KIAA1614: variants seen among roughly 807,000 people sequenced by gnomAD.
KIAA1614 encodes uncharacterized protein KIAA1614.
In KIAA1614, 76 loss-of-function variants were observed where a neutral mutation model predicts 88.7. The ratio of observed to expected loss-of-function variants is 0.86; its 90% CI spans 0.71 to 1.04. The LOEUF (loss-of-function observed/expected upper bound fraction) is 1.04. Among genes scored for constraint, KIAA1614 ranks in the 50% least tolerant of loss-of-function variants. KIAA1614 has a pLI of 0.00. For synonymous variants in KIAA1614, 714 were observed against 675.5 expected (o/e 1.06, Z -0.88); for missense variants, 1,553 against 1,582.5 (o/e 0.98, Z 0.32).
In KIAA1614 at chr1:180,948,986, G is replaced by A. The variant is rs184867690; in HGVS notation, c.*3398G>A. The A allele has an allele frequency of 6.6e-6, 1 of 152,408 alleles. No homozygotes were observed. 9.4% of individuals were successfully genotyped at this position (152,408 alleles called of 1,614,324 possible). A position where few individuals can be genotyped will look rare whatever the true frequency, so the allele number is the denominator to read the frequency against. On this transcript the variant is annotated 3_prime_UTR_variant, in exon 9 of 9. Coordinates refer to ENST00000367588, the MANE Select transcript of KIAA1614 (RefSeq NM_020950.2). ...CGCCTGACTTCTGTCAGGGCCACAGGCTGGGCTGCCCAAAGCTCCTACGGG... is the reference window on the plus strand; with the variant it reads ...CGCCTGACTTCTGTCAGGGCCACAGACTGGGCTGCCCAAAGCTCCTACGGG...
chr1:180,924,126 G>A (rs11582550), intron 3 of KIAA1614, among the ~76,000 whole-genome samples: 40,976 of 152,116 alleles, frequency 0.27, 5,864 homozygotes, highest in South Asian at 0.44. Context: ...TCATTGCCAT[G>A]CCCATATACA....
At chr1:180,928,246 C>A in intron 3 of KIAA1614, 184 bp from the exon 4 acceptor site, 2 of 672,214 alleles carry the variant, frequency 3.0e-6, no homozygotes, top group Non-Finnish European at 4.7e-6. Flanking sequence ...CATTTCCCAG[C>A]CCCAGGCCCC....
chr1:180,917,348 G>C (rs571448599), intron 2 of KIAA1614, among the ~76,000 whole-genome samples: 1 of 152,182 alleles, frequency 6.6e-6, no homozygotes, highest in Non-Finnish European at 1.5e-5. Flanking sequence ...GCCACCCTGC[G>C]TGCTTGGGGT....
At position 180,922,703 on chromosome 1, in the gene KIAA1614, C is replaced by T. The variant is rs951573693; in HGVS notation, c.1061+4789C>T. 1.6e-4 allele frequency among the ~76,000 whole-genome samples: 25 copies of T among 152,232 alleles called. 1 individual carries two copies. Among genetic ancestry groups the T allele is most frequent in the African/African-American group, 5.1e-4 (21 of 41,454 alleles). On this transcript the variant is annotated intron_variant, in intron 3 of 8. Coordinates refer to ENST00000367588, the MANE Select transcript of KIAA1614 (RefSeq NM_020950.2). ...TCCTACTTTCACACACTCAACACAGCACAGAGCACTTCACCTCAAGCCACC... is the reference window on the plus strand; with the variant it reads ...TCCTACTTTCACACACTCAACACAGTACAGAGCACTTCACCTCAAGCCACC...
At chr1:180,918,668 T>A (rs1366403308) in intron 3 of KIAA1614, among the ~76,000 whole-genome samples, 2 of 152,098 alleles carry the variant, frequency 1.3e-5, no homozygotes, top group Non-Finnish European at 2.9e-5. Flanking sequence ...AGCTGTCTGG[T>A]GTTGTCAGCC....
intron 3 of KIAA1614, among the ~76,000 whole-genome samples, chr1:180,926,001 G>A (rs527458131): frequency 6.6e-6 from 1 of 152,324 alleles, no homozygotes; most frequent in South Asian, 2.1e-4. Flanking sequence ...TGGGGAAACT[G>A]AGGCCCAGGG....
intron 4 of KIAA1614, among the ~76,000 whole-genome samples, chr1:180,933,928 T>C (rs946816057): frequency 7.7e-5 from 11 of 143,298 alleles, no homozygotes; most frequent in Non-Finnish European, 1.7e-4. Context: ...TGTGGAACCC[T>C]GTGTGGAAAC....
At chr1:180,915,586 C>G (rs932123873) in intron 1 of KIAA1614, among the ~76,000 whole-genome samples, 1 of 152,198 alleles carries the variant, frequency 6.6e-6, no homozygotes, top group Admixed American at 6.5e-5. Context: ...TCAACAATAA[C>G]TTATTTGCAC....
intron 5 of KIAA1614, 68 bp from the exon 6 acceptor site, chr1:180,938,487 T>A (rs1260840668): frequency 6.6e-7 from 1 of 1,523,508 alleles, no homozygotes; most frequent in East Asian, 2.3e-5. Flanking sequence ...GCTGGGAATG[T>A]CCCATTCCCC....
intron 4 of KIAA1614, among the ~76,000 whole-genome samples, chr1:180,932,287 C>T (rs1016667171): frequency 2.0e-5 from 3 of 152,114 alleles, no homozygotes; most frequent in Non-Finnish European, 4.4e-5. Context: ...CTACATCTCT[C>T]GGCTACAAAT....
At chr1:180,927,763 C>T (rs574719512) in intron 3 of KIAA1614, among the ~76,000 whole-genome samples, 6 of 152,270 alleles carry the variant, frequency 3.9e-5, no homozygotes, top group Non-Finnish European at 8.8e-5. Context: ...TTATGAAAGT[C>T]GAACCACTTG....
chr1:180,939,394 C>T (rs961876157), intron 6 of KIAA1614, among the ~76,000 whole-genome samples: 2 of 152,216 alleles, frequency 1.3e-5, no homozygotes, highest in Admixed American at 6.5e-5. Context: ...AAACAAAAAG[C>T]TCAACAACTG....
intron 7 of KIAA1614, among the ~76,000 whole-genome samples, chr1:180,943,034 T>TTTTTTTTTTTTTTG (rs1553260094): frequency 7.2e-6 from 1 of 139,506 alleles, no homozygotes; most frequent in Non-Finnish European, 1.5e-5. Flanking sequence ...TTGGGTTTTT[T>TTTTTTTTTTTTTTG]TTTTTTTTTT....
chr1:180,939,702 C>T (rs973391674), intron 6 of KIAA1614, among the ~76,000 whole-genome samples: 2 of 152,172 alleles, frequency 1.3e-5, no homozygotes, highest in Admixed American at 6.5e-5. Flanking sequence ...TAAATGGTGT[C>T]ATTCTCCTAC....
chr1:180,915,078 A>AC (rs2102251793), intron 1 of KIAA1614, among the ~76,000 whole-genome samples: 1 of 152,364 alleles, frequency 6.6e-6, no homozygotes, highest in Admixed American at 6.5e-5. Flanking sequence ...TGCTGGGATT[A>AC]CAGGTGTGAG....
chr1:180,940,052 G>A (rs1654419124), intron 6 of KIAA1614, among the ~76,000 whole-genome samples: 1 of 152,206 alleles, frequency 6.6e-6, no homozygotes, highest in Non-Finnish European at 1.5e-5. Context: ...TTTCAAAGAA[G>A]TGCCTGGTCA....
At chr1:180,940,949 G>A (rs1654445164) in intron 6 of KIAA1614, 96 bp from the exon 7 acceptor site, 2 of 1,081,144 alleles carry the variant, frequency 1.8e-6, no homozygotes, top group Non-Finnish European at 2.7e-6. Context: ...ATTGGTGCTG[G>A]CCCATCTGCG....
In KIAA1614 at chr1:180,946,552, G is replaced by C. The variant is rs1654601871; in HGVS notation, c.*964G>C. On this transcript the variant is annotated 3_prime_UTR_variant, in exon 9 of 9. Coordinates refer to ENST00000367588, the MANE Select transcript of KIAA1614 (RefSeq NM_020950.2). Reference sequence around the variant, plus strand: ...AAGGGCCCATAAAAGACATTCCCCAGAGGATCAGGGAAGGAAGACACGTAT... The same window carrying C: ...AAGGGCCCATAAAAGACATTCCCCACAGGATCAGGGAAGGAAGACACGTAT... The C allele has an allele frequency of 6.6e-6, 1 of 152,440 alleles. No individual in the cohort carries two copies. The allele number at this position is 152,440 out of a possible 1,614,324, so 9.4% of individuals were successfully genotyped here.
chr1:180,945,403 G>T lies in KIAA1614; in HGVS notation c.3388G>T (p.Gly1130Cys). Reference protein sequence around the residue: ...VGRLVEVFPDGTSQLQLQRSP... With the variant: ...VGRLVEVFPDCTSQLQLQRSP... The stretch of plus-strand genomic sequence containing the variant: ...CCGCCTGGTGGAGGTGTTCCCAGAC[G>T]GCACCAGCCAGCTGCAGCTGCAGCG... Residue 1130 changes from glycine to cysteine, a missense_variant, in exon 9 of 9, where the codon GGC becomes TGC. Transcript: ENST00000367588. The T allele has an allele frequency of 1.9e-6, 3 of 1,604,012 alleles. No homozygotes were observed. Among genetic ancestry groups the T allele is most frequent in the Non-Finnish European group, 1.7e-6 (2 of 1,176,964 alleles).
Sources: allele counts gnomAD v4.1 joint callset (sites outside exome capture counted in the v4.1 genomes callset), GRCh38; gene constraint gnomAD v4.1.1; transcripts MANE v1.5; gene names NCBI Gene and HGNC (gene_info 2026-07-23, HGNC 2026-07-21).